Variants in CCN2 observed in about 807,000 individuals in gnomAD.
CCN2 encodes the protein cellular communication network factor 2.
A neutral mutation model predicts 33.2 loss-of-function variants in CCN2; 22 were observed. That is an observed-to-expected ratio of 0.66 (90% confidence interval 0.47 to 0.95). The LOEUF is 0.95. CCN2 is among the 40% of genes least tolerant of loss of function. CCN2 has a pLI of 0.00. For missense variants in CCN2, 469 were observed against 498.8 expected (o/e 0.94, Z 0.57); for synonymous variants, 178 against 200.6 (o/e 0.89, Z 0.95).
chr6:131,949,638 C>G (rs531941404), intron 4 of CCN2, 78 bp from the exon 5 acceptor site: 2 of 1,345,184 alleles, frequency 1.5e-6, no homozygotes, highest in African/African-American at 1.5e-5. Flanking sequence ...CTTCAACCCT[C>G]TGTGTTTTAG....
rs201147799 is a variant in CCN2, at chr6:131,949,568, A to G, written c.754-8T>C. The G allele has an allele frequency of 5.0e-5, 80 of 1,591,098 alleles. No homozygotes were observed. The East Asian group carries it at 1.7e-3, about 35-fold the overall frequency. ...GATGCACTTTTTGCCCTTCTAAGGA[A>G]GACAAGGGAAAAGAGAGAGGAAAAA... On this transcript the variant is annotated splice_region_variant and splice_polypyrimidine_tract_variant and intron_variant, in intron 4 of 4. Transcript: ENST00000367976.
rs1385269499 is a variant in CCN2 at position 131,950,154 on chromosome 6, C to T, written c.548G>A (p.Arg183Gln). The T allele has an allele frequency of 4.3e-6, 7 of 1,614,076 alleles. No individual in the cohort carries two copies. Among genetic ancestry groups the T allele is most frequent in the Admixed American group, 3.3e-5 (2 of 60,006 alleles). ...TVVGPALAAY[R>Q]LEDTFGPDPT... ...GTCTGGGCCAAACGTGTCTTCCAGT[C>T]GGTAAGCTGCGAGAGCAGAGCACAC... Residue 183 changes from arginine (R) to glutamine (Q), a missense_variant, in exon 4 of 5, where the codon CGA becomes CAA. Arg to Gln is a conservative substitution (Grantham distance 43). Transcript: ENST00000367976. This position sits in a 1 kb window ranked among gnomAD's most constrained non-coding sequence, Gnocchi z 7.1.
chr6:131,949,881 G>A, intron 4 of CCN2, 68 bp downstream of exon 4: 4 of 1,458,730 alleles, frequency 2.7e-6, no homozygotes, highest in Non-Finnish European at 2.8e-6. Flanking sequence ...AGCGTGGCAA[G>A]AGCCCTAAGT....
chr6:131,951,298 C>G lies in CCN2; in HGVS notation c.-126G>C, dbSNP rs936604848. Reference sequence around the variant, plus strand: ...CGGGCTGTCGTCTCGGGGCTGTCGGCCGGGGCGGCTGCCGTCGAGCTGGAG... The same window carrying G: ...CGGGCTGTCGTCTCGGGGCTGTCGGGCGGGGCGGCTGCCGTCGAGCTGGAG... On this transcript the variant is annotated 5_prime_UTR_variant, in exon 1 of 5. Coordinates refer to ENST00000367976, the MANE Select transcript of CCN2 (RefSeq NM_001901.4). 4.7e-5 allele frequency: 38 copies of G among 805,748 alleles called. No individual in the cohort carries two copies. Among genetic ancestry groups the G allele is most frequent in the East Asian group, 3.7e-5 (1 of 27,024 alleles). 49.9% of individuals were successfully genotyped at this position (805,748 alleles called of 1,614,324 possible). A position where few individuals can be genotyped will look rare whatever the true frequency, so the allele number is the denominator to read the frequency against.
Position 131,950,309 on chromosome 6 carries a change from A to G in CCN2, c.524T>C (p.Val175Ala). 6.2e-7 allele frequency: 1 copy of G among 1,613,852 alleles called. No homozygotes were observed. Among genetic ancestry groups the G allele is most frequent in the Non-Finnish European group, 8.5e-7 (1 of 1,179,818 alleles). ...CGACTCACCCGCGAGGGCAGGCCCA[A>G]CCACGGTTTGGTCCTTGGGCTCGTC... is the stretch of plus-strand genomic sequence containing the variant. ...VCDEPKDQTV[V>A]GPALAAYRLE... Residue 175 changes from valine (V) to alanine (A), a missense_variant, in exon 3 of 5, where the codon GTT becomes GCT. Physicochemically the swap from Val to Ala is moderately conservative, Grantham distance 64. Transcript: ENST00000367976. The surrounding 1 kb of genome is among the most constrained non-coding windows in gnomAD (Gnocchi z 7.1).
In CCN2 at chr6:131,948,659, ACAC is replaced by A. The variant is rs1293535284; in HGVS notation, c.*602_*604del. ...TATATATATACACACACACACACAC[ACAC>A]AATATTTACAATATAAATTTTAAAA... On this transcript the variant is annotated 3_prime_UTR_variant, in exon 5 of 5. Transcript: ENST00000367976. 6.4e-6 allele frequency: 1 copy of A among 157,366 alleles called. No individual in the cohort carries two copies. Among genetic ancestry groups the A allele is most frequent in the African/African-American group, 2.4e-5 (1 of 41,446 alleles). The allele number at this position is 157,366 out of a possible 1,614,324, so 9.7% of individuals were successfully genotyped here.
rs998740181 is a variant in CCN2 at position 131,950,380 on chromosome 6, C to T, written c.453G>A (p.Pro151=). 6.2e-7 allele frequency: 1 copy of T among 1,613,986 alleles called. No homozygotes were observed. Among genetic ancestry groups the T allele is most frequent in the African/African-American group, 1.3e-5 (1 of 74,932 alleles). ...ATTTCCCGGGCAGCTTGACCCTCCT[C>T]GGGAAGGGGCAGTCAGGGCTGGGCA... ...VRLPSPDCPF[P]RRVKLPGKCC... is the part of the protein sequence containing the mutation. Residue 151 remains proline (P), a synonymous_variant, in exon 3 of 5, where the codon CCG becomes CCA. Transcript: ENST00000367976. The surrounding 1 kb of genome is among the most constrained non-coding windows in gnomAD (Gnocchi z 7.1).
Position 131,950,622 on chromosome 6 carries a change from G to C in CCN2, c.290-79C>G, listed in dbSNP as rs959366663. 4.5e-6 allele frequency: 7 copies of C among 1,567,712 alleles called. No homozygotes were observed. The highest frequency in any genetic ancestry group is 4.5e-5 in the East Asian group (2 of 44,384). On this transcript the variant is annotated intron_variant, in intron 2 of 4. Coordinates refer to ENST00000367976, the MANE Select transcript of CCN2 (RefSeq NM_001901.4). This position sits in a 1 kb window ranked among gnomAD's most constrained non-coding sequence, Gnocchi z 7.1. ...GGCACTCTCACATCCAGAGCGTCAG[G>C]GATGCGAGTTGGGATCTGGGCTGCA...
chr6:131,949,355 A>G lies in CCN2; in HGVS notation c.959T>C (p.Ile320Thr), dbSNP rs1228356834. ...GEVMKKNMMF[I>T]KTCACHYNCP... ...GTTGTAATGGCAGGCACAGGTCTTGATGAACATCATGTTCTTCTTCATGAC... is the reference window on the plus strand; with the variant it reads ...GTTGTAATGGCAGGCACAGGTCTTGGTGAACATCATGTTCTTCTTCATGAC... The change falls in exon 5 of 5, where the codon ATC (isoleucine) becomes ACC (threonine). Residue 320 changes from isoleucine to threonine, a missense_variant. Ile to Thr is a moderately conservative substitution (Grantham distance 89, BLOSUM62 -1). Transcript: ENST00000367976. 2.5e-6 allele frequency: 4 copies of G among 1,614,162 alleles called. No homozygotes were observed. Among genetic ancestry groups the G allele is most frequent in the Non-Finnish European group, 3.4e-6 (4 of 1,180,034 alleles).
rs764179114 is a variant in CCN2 at position 131,949,498 on chromosome 6, G to A, written c.816C>T (p.Gly272=). 2 of 1,601,322 alleles carry A rather than the reference G, an allele frequency of 1.2e-6. No individual in the cohort carries two copies. Among genetic ancestry groups the A allele is most frequent in the Non-Finnish European group, 1.7e-6 (2 of 1,172,218 alleles). The change falls in exon 5 of 5, where the codon GGC becomes GGT. Residue 272 remains glycine, a synonymous_variant. Coordinates refer to ENST00000367976, the MANE Select transcript of CCN2 (RefSeq NM_001901.4). ...ISKPIKFELS[G]CTSMKTYRAK... is the part of the protein sequence containing the mutation. ...CTCGGTATGTCTTCATGCTGGTGCA[G>A]CCAGAAAGCTCAAACTTGATAGGCT...
chr6:131,951,364 T>G lies in CCN2; in HGVS notation c.-192A>C, dbSNP rs552094028. On this transcript the variant is annotated 5_prime_UTR_variant, in exon 1 of 5. Transcript: ENST00000367976. The stretch of plus-strand genomic sequence containing the variant: ...GCTGTCTCCTCTCAGCGGGGAAGAG[T>G]TGTTGTGTGAGTTTGGGGCGGGCGG... The G allele has an allele frequency of 9.2e-6, 4 of 433,080 alleles. No homozygotes were observed. The highest frequency in any genetic ancestry group is 2.3e-4 in the South Asian group (2 of 8,692). 26.8% of individuals were successfully genotyped at this position (433,080 alleles called of 1,614,324 possible). A position where few individuals can be genotyped will look rare whatever the true frequency, so the allele number is the denominator to read the frequency against.
In CCN2 at chr6:131,950,751, T is replaced by A; in HGVS notation, c.289+19A>T. ...GAGGAGGCGGCCGGACACCTAGCGG[T>A]GGGGGCTGCGGGTCTTACCGGTGCA... is the stretch of plus-strand genomic sequence containing the variant. On this transcript the variant is annotated intron_variant, in intron 2 of 4. Transcript: ENST00000367976. This position sits in a 1 kb window ranked among gnomAD's most constrained non-coding sequence, Gnocchi z 7.1. The A allele has an allele frequency of 6.6e-7, 1 of 1,525,762 alleles. No individual in the cohort carries two copies. The allele number at this position is 1,525,762 out of a possible 1,614,324, so 94.5% of individuals were successfully genotyped here.
Position 131,951,269 on chromosome 6 carries a change from G to T in CCN2, c.-97C>A. 1.8e-6 allele frequency: 2 copies of T among 1,085,302 alleles called. No individual in the cohort carries two copies. Among genetic ancestry groups the T allele is most frequent in the Non-Finnish European group, 2.3e-6 (2 of 858,172 alleles). 67.2% of individuals were successfully genotyped at this position (1,085,302 alleles called of 1,614,324 possible). ...GGTGGTCGGAGGTGGGGACCGGGACGCGCCGGGCTGTCGTCTCGGGGCTGT... is the reference window on the plus strand; with the variant it reads ...GGTGGTCGGAGGTGGGGACCGGGACTCGCCGGGCTGTCGTCTCGGGGCTGT... On this transcript the variant is annotated 5_prime_UTR_variant, in exon 1 of 5. Coordinates refer to ENST00000367976, the MANE Select transcript of CCN2 (RefSeq NM_001901.4).
Position 131,949,283 on chromosome 6 carries a change from A to AT in CCN2, c.1030dup (p.Met344AsnfsTer15). The AT allele has an allele frequency of 1.2e-6, 2 of 1,614,066 alleles. No homozygotes were observed. Among genetic ancestry groups the AT allele is most frequent in the Non-Finnish European group, 1.7e-6 (2 of 1,179,942 alleles). The stretch of plus-strand genomic sequence containing the variant: ...CTGGCTTCATGCCATGTCTCCGTAC[A>AT]TCTTCCTGTAGTACAGCGATTCAAA... On this transcript the variant is annotated frameshift_variant, in exon 5 of 5. Transcript: ENST00000367976. LOFTEE classifies it high-confidence loss of function.
At position 131,950,677 on chromosome 6, in the gene CCN2, A is replaced by C; in HGVS notation, c.289+93T>G. 6.7e-7 allele frequency: 1 copy of C among 1,493,442 alleles called. No individual in the cohort carries two copies. The allele number at this position is 1,493,442 out of a possible 1,614,324, so 92.5% of individuals were successfully genotyped here. On this transcript the variant is annotated intron_variant, in intron 2 of 4. Transcript: ENST00000367976. The surrounding 1 kb of genome is among the most constrained non-coding windows in gnomAD (Gnocchi z 7.1). ...GCGGGCTGGCAGCAGCTGGAGAAAG[A>C]AACTCAGTCCGAGCGGTTTCTTTTT...
Position 131,950,801 on chromosome 6 carries a change from G to A in CCN2, c.258C>T (p.Ser86=). 2 of 1,546,766 alleles carry A rather than the reference G, an allele frequency of 1.3e-6. No individual in the cohort carries two copies. The highest frequency in any genetic ancestry group is 1.7e-6 in the Non-Finnish European group (2 of 1,153,466). The part of the protein sequence containing the change: ...PHKGLFCHFG[S]PANRKIGVCT... Reference sequence around the variant, plus strand: ...ACACGCCGATCTTGCGGTTGGCCGGGGAGCCGAAGTGACAGAATAGGCCCT... The same window carrying A: ...ACACGCCGATCTTGCGGTTGGCCGGAGAGCCGAAGTGACAGAATAGGCCCT... Residue 86 remains serine, a synonymous_variant, in exon 2 of 5, where the codon TCC becomes TCT. Coordinates refer to ENST00000367976, the MANE Select transcript of CCN2 (RefSeq NM_001901.4). This position sits in a 1 kb window ranked among gnomAD's most constrained non-coding sequence, Gnocchi z 7.1.
chr6:131,950,693 G>A lies in CCN2; in HGVS notation c.289+77C>T. The stretch of plus-strand genomic sequence containing the variant: ...TGGAGAAAGAAACTCAGTCCGAGCG[G>A]TTTCTTTTTCCAGCGGGCGGGTGGG... On this transcript the variant is annotated intron_variant, in intron 2 of 4. Coordinates refer to ENST00000367976, the MANE Select transcript of CCN2 (RefSeq NM_001901.4). This position sits in a 1 kb window ranked among gnomAD's most constrained non-coding sequence, Gnocchi z 7.1. The A allele has an allele frequency of 2.0e-6, 3 of 1,481,764 alleles. No individual in the cohort carries two copies. The highest frequency in any genetic ancestry group is 2.7e-6 in the Non-Finnish European group (3 of 1,105,610). The allele number at this position is 1,481,764 out of a possible 1,614,324, so 91.8% of individuals were successfully genotyped here.
At position 131,950,648 on chromosome 6, in the gene CCN2, G is replaced by T; in HGVS notation, c.290-105C>A. ...GATGCGAGTTGGGATCTGGGCTGCA[G>T]GGGGCGGGCTGGCAGCAGCTGGAGA... is the stretch of plus-strand genomic sequence containing the variant. On this transcript the variant is annotated intron_variant, in intron 2 of 4. Transcript: ENST00000367976. The surrounding 1 kb of genome is among the most constrained non-coding windows in gnomAD (Gnocchi z 7.1). 1 of 1,532,326 alleles carries T rather than the reference G, an allele frequency of 6.5e-7. No individual in the cohort carries two copies. The highest frequency in any genetic ancestry group is 8.9e-7 in the Non-Finnish European group (1 of 1,129,400). 94.9% of individuals were successfully genotyped at this position (1,532,326 alleles called of 1,614,324 possible). A position where few individuals can be genotyped will look rare whatever the true frequency, so the allele number is the denominator to read the frequency against.
In CCN2 at chr6:131,950,965, G is replaced by A; in HGVS notation, c.94C>T (p.Pro32Ser). 2 of 1,365,702 alleles carry A rather than the reference G, an allele frequency of 1.5e-6. No homozygotes were observed. The highest frequency in any genetic ancestry group is 3.9e-5 in the Admixed American group (1 of 25,568). 84.6% of individuals were successfully genotyped at this position (1,365,702 alleles called of 1,614,324 possible). ...GCCGGCTCGTCCGGGCACCGGCACG[G>A]CCCGCTGCAGTTCTGGCCGACGGCC... ...RPAVGQNCSG[P>S]CRCPDEPAPR... Residue 32 changes from proline (P) to serine (S), a missense_variant, in exon 2 of 5, where the codon CCG (proline) becomes TCG (serine). Physicochemically the swap from Pro to Ser is moderately conservative, Grantham distance 74 (BLOSUM62 -1). Coordinates refer to ENST00000367976, the MANE Select transcript of CCN2 (RefSeq NM_001901.4). The surrounding 1 kb of genome is among the most constrained non-coding windows in gnomAD (Gnocchi z 7.1).
Sources: gnomAD v4.1 joint callset for allele counts on GRCh38, gnomAD v4.1.1 for gene constraint, Gnocchi (gnomAD v3.1) non-coding constraint, MANE v1.5 for transcripts, NCBI Gene and HGNC (gene_info 2026-07-23, HGNC 2026-07-21) for gene names.